CFH: variants seen among roughly 807,000 people sequenced by gnomAD.
CFH encodes the protein complement factor H.
CFH carries 53 observed loss-of-function variants against 147.3 expected under a neutral mutation model. The observed-to-expected ratio is 0.36, with a 90% confidence interval of 0.29 to 0.45. The LOEUF is 0.45. Ranked by LOEUF, CFH falls within the 20% of genes least tolerant of loss-of-function variation. The pLI, the probability that CFH is intolerant of heterozygous loss-of-function variation, is 1.00. For missense variants in CFH, 1,380 were observed against 1,498.0 expected (o/e 0.92, Z 1.30); for synonymous variants, 536 against 489.4 (o/e 1.10, Z -1.26).
intron 9 of CFH, among the ~76,000 whole-genome samples, chr1:196,697,268 C>T (rs566363948): frequency 1.3e-5 from 2 of 151,902 alleles, no homozygotes; most frequent in African/African-American, 4.8e-5. Context: ...TGACAAAGGG[C>T]TAATATCCAG....
intron 21 of CFH, 49 bp downstream of exon 21, chr1:196,746,048 T>G (rs199621233): frequency 1.2e-6 from 2 of 1,613,198 alleles, no homozygotes; most frequent in East Asian, 2.2e-5. Flanking sequence ...GTGATGAGTC[T>G]GATATTTCAC....
rs373482653 is a variant in CFH at position 196,738,028 on chromosome 1, G to A, written c.2782+368G>A. The stretch of plus-strand genomic sequence containing the variant: ...TCTTAGGAAACTTACAATCATGGTG[G>A]AGGGAGAAGCAAACGCATGAAGACA... On this transcript the variant is annotated intron_variant, in intron 17 of 21. Coordinates refer to ENST00000367429, the MANE Select transcript of CFH (RefSeq NM_000186.4). 5.9e-5 allele frequency among the ~76,000 whole-genome samples: 9 copies of A among 152,218 alleles called. No individual in the cohort carries two copies. The South Asian group carries it at 1.0e-3, about 18-fold the overall frequency.
In CFH at chr1:196,677,472, T is replaced by A. The variant is rs1019696774; in HGVS notation, c.428-4T>A. ...TTAGAAAACATTACATGTATTTTCTTCAGTTGTGAAGTGTTTACCAGTGAC... is the reference window on the plus strand; with the variant it reads ...TTAGAAAACATTACATGTATTTTCTACAGTTGTGAAGTGTTTACCAGTGAC... On this transcript the variant is annotated splice_polypyrimidine_tract_variant and splice_region_variant and intron_variant, in intron 4 of 21. Transcript: ENST00000367429. 1.9e-6 allele frequency: 3 copies of A among 1,612,372 alleles called. No homozygotes were observed.
At chr1:196,677,782 G>A (rs1667509587) in intron 5 of CFH, 115 bp downstream of exon 5, 2 of 993,744 alleles carry the variant, frequency 2.0e-6, no homozygotes, top group Non-Finnish European at 3.2e-6. Flanking sequence ...TGTTTATTGA[G>A]CACTTACTAT....
In CFH at chr1:196,673,295, T is replaced by G. The variant is rs543024827; in HGVS notation, c.244+132T>G. On this transcript the variant is annotated intron_variant, in intron 2 of 21. Coordinates refer to ENST00000367429, the MANE Select transcript of CFH (RefSeq NM_000186.4). ...ATACAAAATAATACATAATCTTTTT[T>G]TTTTGTTTTGAGATGGAGTCTGGCT... 1.1e-5 allele frequency: 10 copies of G among 929,166 alleles called. No individual in the cohort carries two copies. The Admixed American group carries it at 1.2e-4, about 11-fold the overall frequency. The allele number at this position is 929,166 out of a possible 1,614,324, so 57.6% of individuals were successfully genotyped here. A position where few individuals can be genotyped will look rare whatever the true frequency, so the allele number is the denominator to read the frequency against.
At chr1:196,714,908 C>T (rs1432403621) in intron 10 of CFH, among the ~76,000 whole-genome samples, 1 of 151,022 alleles carries the variant, frequency 6.6e-6, no homozygotes. Context: ...GCCATGTTAG[C>T]CAGGCTGGTC....
At chr1:196,673,708 A>G (rs1199084218) in intron 2 of CFH, 149 bp from the exon 3 acceptor site, 28 of 652,520 alleles carry the variant, frequency 4.3e-5, no homozygotes, top group Non-Finnish European at 7.7e-5. Context: ...TTTAAGTTCA[A>G]TTATGAAATA....
At chr1:196,696,868 G>A (rs1322454422) in intron 9 of CFH, among the ~76,000 whole-genome samples, 3 of 152,130 alleles carry the variant, frequency 2.0e-5, no homozygotes, top group Non-Finnish European at 2.9e-5. Context: ...ACAACCATCT[G>A]ATCTTTGACA....
chr1:196,688,281 G>T (rs1368435016), intron 7 of CFH, among the ~76,000 whole-genome samples: 2 of 151,988 alleles, frequency 1.3e-5, no homozygotes, highest in East Asian at 3.9e-4. Flanking sequence ...AAATGTATTT[G>T]TCAAAATTAA....
chr1:196,737,063 T>C (rs989493260), intron 16 of CFH, 57 bp downstream of exon 16: 1 of 1,424,420 alleles, frequency 7.0e-7, no homozygotes, highest in Admixed American at 1.7e-5. Flanking sequence ...AATATTCTCT[T>C]GTGCTTCGTG....
At chr1:196,720,516 A>G (rs1668974239) in intron 11 of CFH, among the ~76,000 whole-genome samples, 1 of 152,078 alleles carries the variant, frequency 6.6e-6, no homozygotes, top group South Asian at 2.1e-4. Context: ...GCTCTCACTT[A>G]TAAGTGACAA....
At chr1:196,704,490 T>G (rs2149097917) in intron 9 of CFH, among the ~76,000 whole-genome samples, 1 of 152,334 alleles carries the variant, frequency 6.6e-6, no homozygotes, top group South Asian at 2.1e-4. Flanking sequence ...AGACCAAGCA[T>G]GTGCTCTGCA....
intron 9 of CFH, among the ~76,000 whole-genome samples, chr1:196,701,726 C>T (rs566438486): frequency 6.6e-6 from 1 of 152,124 alleles, no homozygotes; most frequent in Non-Finnish European, 1.5e-5. Context: ...CAGAGACAAA[C>T]CCTAGCAGCT....
chr1:196,662,579 T>C (rs745456227), intron 1 of CFH, among the ~76,000 whole-genome samples: 6 of 152,124 alleles, frequency 3.9e-5, no homozygotes, highest in Non-Finnish European at 8.8e-5. Context: ...AGTGGCAAAT[T>C]CTCTCAAATT....
chr1:196,659,910 C>T (rs536416130), intron 1 of CFH, among the ~76,000 whole-genome samples: 2 of 152,244 alleles, frequency 1.3e-5, no homozygotes, highest in South Asian at 2.1e-4. Flanking sequence ...AATTCTTCCA[C>T]GAACTATGAA....
intron 1 of CFH, among the ~76,000 whole-genome samples, chr1:196,654,114 A>G (rs1010876715): frequency 6.6e-6 from 1 of 152,092 alleles, no homozygotes; most frequent in Non-Finnish European, 1.5e-5. Context: ...ATACTCACAT[A>G]TATTTCAATA....
At chr1:196,665,170 T>C (rs1351523230) in intron 1 of CFH, among the ~76,000 whole-genome samples, 1 of 151,724 alleles carries the variant, frequency 6.6e-6, no homozygotes, top group Middle Eastern at 3.3e-3. Context: ...TTTAGTGCTT[T>C]TGTTACTGCA....
At chr1:196,673,244 T>G in intron 2 of CFH, 81 bp downstream of exon 2, 1 of 1,218,748 alleles carries the variant, frequency 8.2e-7, no homozygotes. Flanking sequence ...CAATTATGCC[T>G]GAATTATATC....
intron 7 of CFH, among the ~76,000 whole-genome samples, chr1:196,687,409 G>A (rs1398717527): frequency 6.6e-6 from 1 of 151,792 alleles, no homozygotes; most frequent in African/African-American, 2.4e-5. Flanking sequence ...TTAGAGAATA[G>A]CTAAATAGCT....
Sources: allele counts gnomAD v4.1 joint callset (sites outside exome capture counted in the v4.1 genomes callset), GRCh38; gene constraint gnomAD v4.1.1; transcripts MANE v1.5; gene names NCBI Gene and HGNC (gene_info 2026-07-23, HGNC 2026-07-21).